FBXL13: variants seen among roughly 807,000 people sequenced by gnomAD.
FBXL13 encodes F-box and leucine-rich repeat protein 13.
FBXL13 carries 67 observed loss-of-function variants against 83.6 expected under a neutral mutation model. That is an observed-to-expected ratio of 0.80 (90% CI 0.66 to 0.98). FBXL13 has a LOEUF of 0.98. Ranked by LOEUF, FBXL13 falls within the 50% of genes least tolerant of loss-of-function variation. The pLI is 0.00. For synonymous variants in FBXL13, 272 were observed against 299.5 expected, an observed-to-expected ratio of 0.91 and a Z score of 0.95; for missense variants, 822 against 866.5, an observed-to-expected ratio of 0.95 and a Z score of 0.64.
intron 19 of FBXL13, among the ~76,000 whole-genome samples, chr7:102,816,007 G>A (rs189509510): frequency 1.3e-5 from 2 of 152,150 alleles, no homozygotes; most frequent in South Asian, 4.1e-4. Flanking sequence ...GGACAGAATC[G>A]AAATGAGCTG....
At chr7:102,939,043 A>G (rs1240203319) in intron 8 of FBXL13, among the ~76,000 whole-genome samples, 1 of 152,214 alleles carries the variant, frequency 6.6e-6, no homozygotes, top group African/African-American at 2.4e-5. Flanking sequence ...AGCTTGCCCT[A>G]AAATGGTTGC....
intron 6 of FBXL13, among the ~76,000 whole-genome samples, chr7:102,990,910 C>T (rs1829494746): frequency 6.6e-6 from 1 of 152,178 alleles, no homozygotes; most frequent in Non-Finnish European, 1.5e-5. Flanking sequence ...GAGGCTAGAA[C>T]TGGAAATCCT....
At chr7:102,923,696 C>T (rs1315838903) in intron 10 of FBXL13, among the ~76,000 whole-genome samples, 2 of 151,878 alleles carry the variant, frequency 1.3e-5, no homozygotes, top group Admixed American at 6.6e-5. Flanking sequence ...TGGTGGCGGG[C>T]GCCTGTAATC....
At chr7:103,020,939 C>T (rs1793084131) in intron 6 of FBXL13, among the ~76,000 whole-genome samples, 1 of 152,172 alleles carries the variant, frequency 6.6e-6, no homozygotes, top group Non-Finnish European at 1.5e-5. Context: ...ATGCTATCCC[C>T]ATCAAGCTAC....
In FBXL13 at chr7:102,983,944, G is replaced by A. The variant is rs143193016; in HGVS notation, c.496-15827C>T. Among the ~76,000 whole-genome samples the A allele has an allele frequency of 3.2e-3, 493 of 152,190 alleles. 3 individuals are homozygous for A. The highest frequency in any genetic ancestry group is 6.8e-3 in the Middle Eastern group (2 of 294). ...ACTTGAGCTGGAAATTTGAATTCCT[G>A]AGCTCCTTCTTTTCTTTCAATACTT... On this transcript the variant is annotated intron_variant, in intron 6 of 19. Coordinates refer to ENST00000313221, the Ensembl canonical transcript of FBXL13.
Position 102,883,170 on chromosome 7 carries a change from T to C in FBXL13, c.1388+135A>G, listed in dbSNP as rs916276671. 23 of 822,132 alleles carry C rather than the reference T, an allele frequency of 2.8e-5. No individual in the cohort carries two copies. The African/African-American group carries it at 3.2e-4, about 11-fold the overall frequency. 50.9% of individuals were successfully genotyped at this position (822,132 alleles called of 1,614,324 possible). A position where few individuals can be genotyped will look rare whatever the true frequency, so the allele number is the denominator to read the frequency against. On this transcript the variant is annotated intron_variant, in intron 14 of 19. Coordinates refer to ENST00000313221, the Ensembl canonical transcript of FBXL13. ...CCTCTTTCTTATAACTACAGAACTC[T>C]GCACTTACCTCTACTTTAACACATG...
At chr7:102,995,457 G>T (rs1231413396) in intron 6 of FBXL13, among the ~76,000 whole-genome samples, 4 of 119,106 alleles carry the variant, frequency 3.4e-5, no homozygotes, top group Non-Finnish European at 6.6e-5. Context: ...CTCCAGCCTG[G>T]ATGACAGCGA....
At chr7:103,016,117 A>T (rs1792280221) in intron 6 of FBXL13, among the ~76,000 whole-genome samples, 1 of 152,202 alleles carries the variant, frequency 6.6e-6, no homozygotes. Context: ...TGCTATTCTT[A>T]TCAAACTACC....
At chr7:102,841,406 C>G (rs1802916435) in intron 17 of FBXL13, among the ~76,000 whole-genome samples, 1 of 152,184 alleles carries the variant, frequency 6.6e-6, no homozygotes, top group Non-Finnish European at 1.5e-5. Flanking sequence ...ATGAAAAGAA[C>G]AGATGTGCAC....
chr7:102,910,362 T>G (rs77237754), intron 11 of FBXL13, among the ~76,000 whole-genome samples: 5,251 of 152,182 alleles, frequency 0.035, 196 homozygotes, highest in East Asian at 0.21. Flanking sequence ...TTGGTTCTTA[T>G]GAAGGTGTTT....
chr7:102,847,738 A>G (rs1269126948), intron 17 of FBXL13, among the ~76,000 whole-genome samples: 1 of 152,112 alleles, frequency 6.6e-6, no homozygotes, highest in East Asian at 1.9e-4. Context: ...CATGTTGGGC[A>G]GGCTGGTCTC....
chr7:103,028,729 G>A lies in FBXL13; in HGVS notation c.88C>T (p.Arg30Cys), dbSNP rs777165290. 87 of 1,585,458 alleles carry A rather than the reference G, an allele frequency of 5.5e-5. No individual in the cohort carries two copies. Among genetic ancestry groups the A allele is most frequent in the Non-Finnish European group, 6.9e-5 (80 of 1,167,372 alleles). ...GCCAGGACGACATTTTCATTTGTAC[G>A]AGCTATGTCTCTCCAAGTGCTGCAG... Residue 30 changes from arginine (R) to cysteine (C), a missense_variant, in exon 4 of 20, where the codon CGT (arginine) becomes TGT (cysteine). Arg to Cys is a radical substitution (Grantham distance 180). Coordinates refer to ENST00000313221, the Ensembl canonical transcript of FBXL13.
At chr7:103,061,251 T>A (rs1797877536) in intron 1 of FBXL13, among the ~76,000 whole-genome samples, 1 of 151,212 alleles carries the variant, frequency 6.6e-6, no homozygotes, top group Non-Finnish European at 1.5e-5. Flanking sequence ...ACAGGACAGG[T>A]GAGGAGCAGC....
At chr7:103,065,850 A>G (rs904035135) in intron 1 of FBXL13, among the ~76,000 whole-genome samples, 3 of 152,210 alleles carry the variant, frequency 2.0e-5, no homozygotes, top group Admixed American at 6.5e-5. Context: ...CACACTAGTG[A>G]GCAGACGCCC....
intron 16 of FBXL13, among the ~76,000 whole-genome samples, chr7:102,863,348 G>T (rs1343666113): frequency 1.3e-5 from 2 of 152,120 alleles, no homozygotes; most frequent in East Asian, 3.8e-4. Flanking sequence ...GATGGAATGG[G>T]GCACCCAGGA....
At chr7:103,014,268 T>C (rs779904980) in intron 6 of FBXL13, among the ~76,000 whole-genome samples, 8 of 151,896 alleles carry the variant, frequency 5.3e-5, no homozygotes, top group Non-Finnish European at 7.4e-5. Context: ...GGTGGGAGGA[T>C]TGCTTGAGTC....
intron 14 of FBXL13, 78 bp from the exon 16 acceptor site, chr7:102,878,528 T>G: frequency 1.1e-6 from 1 of 923,724 alleles, no homozygotes; most frequent in East Asian, 3.0e-5. Context: ...ATAGCTACCA[T>G]ACCCAATATA....
At chr7:103,047,684 G>T (rs562234922) in intron 2 of FBXL13, among the ~76,000 whole-genome samples, 1 of 152,112 alleles carries the variant, frequency 6.6e-6, no homozygotes, top group Non-Finnish European at 1.5e-5. Context: ...AATTTTATAA[G>T]TCCTATACAT....
intron 1 of FBXL13, among the ~76,000 whole-genome samples, chr7:103,068,524 C>T (rs751581146): frequency 2.0e-4 from 30 of 152,260 alleles, no homozygotes; most frequent in East Asian, 5.8e-4. Flanking sequence ...ACAAAAATCA[C>T]ATTTAAAAAA....
Sources: gnomAD v4.1 joint callset for allele counts (sites outside exome capture counted in the v4.1 genomes callset) on GRCh38, gnomAD v4.1.1 for gene constraint, MANE v1.5 for transcripts, NCBI Gene and HGNC (gene_info 2026-07-23, HGNC 2026-07-21) for gene names.